Variants in C16orf96 observed in about 807,000 individuals in gnomAD.
C16orf96 encodes the protein chromosome 16 open reading frame 96.
C16orf96 carries 108 observed loss-of-function variants against 103.6 expected under a neutral mutation model. The ratio of observed to expected loss-of-function variants is 1.04; its 90% CI spans 0.89 to 1.22. The LOEUF (loss-of-function observed/expected upper bound fraction) is 1.22. Among genes scored for constraint, C16orf96 ranks in the 50% most tolerant of loss-of-function variants. The pLI, the probability that C16orf96 is intolerant of heterozygous loss-of-function variation, is 0.00. For synonymous variants in C16orf96, 566 were observed against 593.5 expected, an observed-to-expected ratio of 0.95 and a Z score of 0.67; for missense variants, 1,586 against 1,464.2, an observed-to-expected ratio of 1.08 and a Z score of -1.36.
the C16orf96 span, among the ~76,000 whole-genome samples, chr16:4,547,649 T>TTTCCTTCCTTCC: frequency 7.1e-4 from 85 of 119,144 alleles, no homozygotes; most frequent in African/African-American, 1.5e-3. Context: ...TCTTTCTTTC[T>TTTCCTTCCTTCC]TTCCTTCCTT....
chr16:4,598,790 T>C (rs1352269954), intron 14 of C16orf96, among the ~76,000 whole-genome samples: 2 of 152,162 alleles, frequency 1.3e-5, no homozygotes, highest in African/African-American at 4.8e-5. Flanking sequence ...AGAGCCTTCT[T>C]TTCTTTCTTA....
In C16orf96 at chr16:4,599,345, A is replaced by G. The variant is rs1473942990; in HGVS notation, c.3189A>G (p.Leu1063=). 20 of 1,551,358 alleles carry G rather than the reference A, an allele frequency of 1.3e-5. No individual in the cohort carries two copies. Among genetic ancestry groups the G allele is most frequent in the Non-Finnish European group, 1.4e-5 (16 of 1,146,874 alleles). ...ATGACCGTGTGCACTCCAGTGCCCT[A>G]TTTGGCGCCATCTGCCCCCGTGAGT... ...SLYDRVHSSA[L]FGAICPPLCP... Residue 1063 remains leucine, a synonymous_variant, in exon 15 of 16, where the codon CTA becomes CTG. Coordinates refer to ENST00000444310, the MANE Select transcript of C16orf96 (RefSeq NM_001145011.2).
In C16orf96 at chr16:4,576,462, C is replaced by T. The variant is rs1426989430; in HGVS notation, c.1982C>T (p.Pro661Leu). 1 of 1,551,322 alleles carries T rather than the reference C, an allele frequency of 6.4e-7. No homozygotes were observed. Among genetic ancestry groups the T allele is most frequent in the Non-Finnish European group, 8.7e-7 (1 of 1,147,020 alleles). Residue 661 changes from proline to leucine, a missense_variant, in exon 5 of 16, where the codon CCA (proline) becomes CTA (leucine). Physicochemically the swap from Pro to Leu is moderately conservative, Grantham distance 98. Coordinates refer to ENST00000444310, the MANE Select transcript of C16orf96 (RefSeq NM_001145011.2). ...SYSAASIGPD[P>L]ALSQAMVATK... ...TCTGCTGCCAGCATCGGTCCCGATC[C>T]AGCCCTGTCCCAGGCCATGGTGGCT...
At chr16:4,544,531 C>T in the C16orf96 span, among the ~76,000 whole-genome samples, 74 of 152,262 alleles carry the variant, frequency 4.9e-4, no homozygotes, top group African/African-American at 1.6e-3. Context: ...CGCTTAAGAC[C>T]GGGAGGCTGG....
chr16:4,585,312 A>AAAAAAAAAAAAAG lies in C16orf96; in HGVS notation c.2353-1727_2353-1726insAAAAAAAAAAAAG, dbSNP rs60726283. ...TCTACAAAAAAAAAAAAAAAAAAAA[A>AAAAAAAAAAAAAG]TCCAGGTAGGTGGTGTCACCTGCAG... On this transcript the variant is annotated intron_variant, in intron 7 of 15. Coordinates refer to ENST00000444310, the MANE Select transcript of C16orf96 (RefSeq NM_001145011.2). Among the ~76,000 whole-genome samples, 7 of 109,944 alleles carry AAAAAAAAAAAAAG rather than the reference A, an allele frequency of 6.4e-5. 3 individuals are homozygous for AAAAAAAAAAAAAG. The highest frequency in any genetic ancestry group is 8.9e-5 in the Non-Finnish European group (5 of 55,898). The allele number at this position is 109,944 out of a possible 152,430, so 72.1% of individuals were successfully genotyped here. A position where few individuals can be genotyped will look rare whatever the true frequency, so the allele number is the denominator to read the frequency against.
chr16:4,543,116 G>C, the C16orf96 span, among the ~76,000 whole-genome samples: 13 of 152,318 alleles, frequency 8.5e-5, no homozygotes, highest in Admixed American at 7.9e-4. Flanking sequence ...TCAAAACAGA[G>C]TGCTTTGAGA....
chr16:4,561,956 T>C (rs1021088774), intron 1 of C16orf96, among the ~76,000 whole-genome samples: 5 of 152,200 alleles, frequency 3.3e-5, no homozygotes, highest in Admixed American at 2.0e-4. Flanking sequence ...GTCAGCTGTT[T>C]GTTGTTGAAA....
chr16:4,583,814 A>G (rs1164068743), intron 7 of C16orf96, among the ~76,000 whole-genome samples: 1 of 150,892 alleles, frequency 6.6e-6, no homozygotes, highest in East Asian at 2.0e-4. Context: ...AATCCTAGTT[A>G]CTTGGGAGGC....
chr16:4,570,281 C>T (rs2059423915), intron 1 of C16orf96, among the ~76,000 whole-genome samples: 1 of 152,106 alleles, frequency 6.6e-6, no homozygotes, highest in African/African-American at 2.4e-5. Flanking sequence ...CTGAACCCTG[C>T]AATGCAGCGA....
chr16:4,554,798 G>A (rs548316677), upstream of C16orf96, among the ~76,000 whole-genome samples: 7 of 151,702 alleles, frequency 4.6e-5, no homozygotes, highest in East Asian at 2.0e-4. Flanking sequence ...CTACAGGCAC[G>A]CACCACCATG....
At chr16:4,573,751 CA>C (rs558632038) in intron 2 of C16orf96, among the ~76,000 whole-genome samples, 30,198 of 94,570 alleles carry the variant, frequency 0.32, 3,720 homozygotes, top group African/African-American at 0.47. Flanking sequence ...GACTCTGTCT[CA>C]AAAAAAAAAA....
At chr16:4,595,424 C>G (rs2141765049) in intron 14 of C16orf96, among the ~76,000 whole-genome samples, 1 of 152,288 alleles carries the variant, frequency 6.6e-6, no homozygotes, top group East Asian at 1.9e-4. Context: ...TTGTGCACAT[C>G]TGGAATCAGT....
At chr16:4,560,383 G>A (rs2059315767) in intron 1 of C16orf96, 1 of 151,994 alleles carries the variant, frequency 6.6e-6, no homozygotes, top group Admixed American at 6.6e-5. Context: ...TGTATTTTTA[G>A]TAGAGACGCG....
intron 7 of C16orf96, among the ~76,000 whole-genome samples, chr16:4,585,282 C>T (rs1896894442): frequency 8.2e-6 from 1 of 122,574 alleles, no homozygotes; most frequent in Non-Finnish European, 1.6e-5. Context: ...AGTGAGACCC[C>T]TGTCTCTACA....
intron 7 of C16orf96, 102 bp downstream of exon 7, chr16:4,580,227 C>T (rs968495909): frequency 1.1e-6 from 1 of 878,626 alleles, no homozygotes; most frequent in Non-Finnish European, 1.7e-6. Context: ...TGGGGATGCA[C>T]TTGAGGCTGG....
chr16:4,561,592 C>T (rs564559023), intron 1 of C16orf96: 3 of 152,266 alleles, frequency 2.0e-5, no homozygotes, highest in Non-Finnish European at 2.9e-5. Flanking sequence ...AAAAGGGGCT[C>T]GTGGACAGGT....
At chr16:4,571,860 T>C (rs145019370) in intron 2 of C16orf96, among the ~76,000 whole-genome samples, 195 bp downstream of exon 2, 4,068 of 150,480 alleles carry the variant, frequency 0.027, 189 homozygotes, top group African/African-American at 0.092. Context: ...CTTTTCTTTT[T>C]TTTTTTTAAG....
At chr16:4,547,685 C>CTTTCTTTCT in the C16orf96 span, among the ~76,000 whole-genome samples, 3 of 107,738 alleles carry the variant, frequency 2.8e-5, no homozygotes, top group African/African-American at 1.1e-4. Flanking sequence ...TCCTTCCTTC[C>CTTTCTTTCT]TTCCTTCTTT....
At chr16:4,541,043 A>G in the C16orf96 span, among the ~76,000 whole-genome samples, 1 of 151,608 alleles carries the variant, frequency 6.6e-6, no homozygotes, top group Non-Finnish European at 1.5e-5. Context: ...CCTCCTGAGG[A>G]GCTAGGACTA....
Sources: allele counts gnomAD v4.1 joint callset (sites outside exome capture counted in the v4.1 genomes callset), GRCh38; gene constraint gnomAD v4.1.1; transcripts MANE v1.5; gene names NCBI Gene and HGNC (gene_info 2026-07-23, HGNC 2026-07-21).